VAT1L: variants seen among roughly 807,000 people sequenced by gnomAD.
VAT1L encodes vesicle amine transport 1 like, also known as putative NADPH-dependent quinone oxidoreductase VAT1L.
Under a neutral mutation model 44.1 loss-of-function variants are expected in VAT1L, and 34 were observed. The ratio of observed to expected loss-of-function variants is 0.77; its 90% CI spans 0.59 to 1.03. The LOEUF is 1.03. Among genes scored for constraint, VAT1L ranks in the 50% least tolerant of loss-of-function variants. VAT1L has a pLI of 0.00. For synonymous variants in VAT1L, 253 were observed against 202.2 expected, an observed-to-expected ratio of 1.25 and a Z score of -2.13; for missense variants, 615 against 538.8, an observed-to-expected ratio of 1.14 and a Z score of -1.40.
At chr16:77,975,833 C>G in intron 8 of VAT1L, among the ~76,000 whole-genome samples, 1 of 152,238 alleles carries the variant, frequency 6.6e-6, no homozygotes. Flanking sequence ...TGCCCCAGTC[C>G]TGGCCATCTG....
chr16:77,869,871 C>T (rs2017012574), intron 4 of VAT1L, among the ~76,000 whole-genome samples: 1 of 152,196 alleles, frequency 6.6e-6, no homozygotes, highest in Admixed American at 6.5e-5. Flanking sequence ...CACCCGATAG[C>T]AGTCATAGGT....
At chr16:77,880,679 G>A (rs1433746619) in intron 6 of VAT1L, among the ~76,000 whole-genome samples, 1 of 135,126 alleles carries the variant, frequency 7.4e-6, no homozygotes, top group East Asian at 2.3e-4. Flanking sequence ...ATTGTATGAT[G>A]CTGAAGTTTG....
At chr16:77,806,963 G>C (rs565766147) in intron 1 of VAT1L, among the ~76,000 whole-genome samples, 1 of 152,090 alleles carries the variant, frequency 6.6e-6, no homozygotes, top group Non-Finnish European at 1.5e-5. Flanking sequence ...ATTCCTAAGG[G>C]ATACTTTCTG....
intron 7 of VAT1L, among the ~76,000 whole-genome samples, chr16:77,914,892 A>T (rs1425367980): frequency 1.3e-5 from 2 of 152,194 alleles, no homozygotes; most frequent in African/African-American, 4.8e-5. Context: ...TTGGGAGACT[A>T]AGGCAGGCGG....
chr16:77,932,506 T>C (rs1286076745), intron 7 of VAT1L, among the ~76,000 whole-genome samples: 2 of 152,328 alleles, frequency 1.3e-5, no homozygotes, highest in Non-Finnish European at 2.9e-5. Context: ...TTCCTACTTA[T>C]TTGACTGTGG....
rs1229922063 is a variant in VAT1L at position 77,853,823 on chromosome 16, A to C, written c.580-8925A>C. Among the ~76,000 whole-genome samples the C allele has an allele frequency of 2.6e-5, 4 of 152,140 alleles. No individual in the cohort carries two copies. The East Asian group carries it at 7.7e-4, about 29-fold the overall frequency. On this transcript the variant is annotated intron_variant, in intron 3 of 8. Coordinates refer to ENST00000302536, the MANE Select transcript of VAT1L (RefSeq NM_020927.3). ...ACTGTCCACCAAGTCTTCTCAAAGA[A>C]TATGCCTACTTCTTTTGGGGATTAA... is the stretch of plus-strand genomic sequence containing the variant.
At chr16:77,849,230 C>T (rs960043176) in intron 3 of VAT1L, among the ~76,000 whole-genome samples, 4 of 152,078 alleles carry the variant, frequency 2.6e-5, no homozygotes, top group Non-Finnish European at 5.9e-5. Flanking sequence ...CACTTAGGTA[C>T]GTGGCACATA....
chr16:77,807,332 C>T (rs1290421169), intron 1 of VAT1L, among the ~76,000 whole-genome samples: 1 of 152,180 alleles, frequency 6.6e-6, no homozygotes, highest in Non-Finnish European at 1.5e-5. Flanking sequence ...GAATTGTTCT[C>T]AGCCAAAGAA....
At chr16:77,889,343 T>C (rs1185020067) in intron 7 of VAT1L, among the ~76,000 whole-genome samples, 4 of 152,202 alleles carry the variant, frequency 2.6e-5, no homozygotes, top group African/African-American at 9.6e-5. Context: ...AGCCTCGGGT[T>C]TGCTTCCAGA....
At chr16:77,804,021 C>A (rs1299430071) in intron 1 of VAT1L, among the ~76,000 whole-genome samples, 2 of 152,150 alleles carry the variant, frequency 1.3e-5, no homozygotes, top group Non-Finnish European at 2.9e-5. Context: ...TCTTATGGAA[C>A]TGTCATGCCG....
At chr16:77,792,131 T>C (rs2015846184) in intron 1 of VAT1L, among the ~76,000 whole-genome samples, 1 of 152,214 alleles carries the variant, frequency 6.6e-6, no homozygotes, top group Non-Finnish European at 1.5e-5. Flanking sequence ...AAGGATCAGA[T>C]GCAAGAAAGA....
At chr16:77,975,655 A>T (rs1035846449) in intron 8 of VAT1L, among the ~76,000 whole-genome samples, 1 of 152,252 alleles carries the variant, frequency 6.6e-6, no homozygotes, top group African/African-American at 2.4e-5. Flanking sequence ...TGGCAGCTCC[A>T]GAAGTAAATT....
intron 3 of VAT1L, among the ~76,000 whole-genome samples, chr16:77,852,291 T>C (rs1361104155): frequency 6.6e-6 from 1 of 152,224 alleles, no homozygotes; most frequent in East Asian, 1.9e-4. Context: ...AGGAGAAGCT[T>C]TGGGAAAGCA....
intron 7 of VAT1L, among the ~76,000 whole-genome samples, chr16:77,888,328 A>G (rs2017229415): frequency 1.3e-5 from 2 of 152,192 alleles, no homozygotes; most frequent in African/African-American, 4.8e-5. Context: ...GGGAAGACCT[A>G]GACTATATTA....
At chr16:77,897,135 C>A (rs1426907770) in intron 7 of VAT1L, among the ~76,000 whole-genome samples, 1 of 152,172 alleles carries the variant, frequency 6.6e-6, no homozygotes, top group Non-Finnish European at 1.5e-5. Context: ...GTGCTGCAGA[C>A]CAAGATTCTT....
intron 3 of VAT1L, among the ~76,000 whole-genome samples, chr16:77,844,302 A>G (rs2016736403): frequency 6.6e-6 from 1 of 152,336 alleles, no homozygotes; most frequent in Non-Finnish European, 1.5e-5. Context: ...GCTTGTGTAC[A>G]TAGCATTTAC....
chr16:77,901,949 A>G (rs2017388130), intron 7 of VAT1L, among the ~76,000 whole-genome samples: 1 of 152,222 alleles, frequency 6.6e-6, no homozygotes, highest in Admixed American at 6.5e-5. Flanking sequence ...GGCTGTCTTA[A>G]CAGGCATTTT....
At chr16:77,910,482 CT>C (rs1326644465) in intron 7 of VAT1L, among the ~76,000 whole-genome samples, 1 of 151,960 alleles carries the variant, frequency 6.6e-6, no homozygotes. Context: ...ACCATCCTGG[CT>C]AACACGGTGA....
intron 5 of VAT1L, 47 bp downstream of exon 5, chr16:77,876,520 T>G (rs2017088999): frequency 9.1e-6 from 14 of 1,531,120 alleles, no homozygotes; most frequent in Non-Finnish European, 1.3e-5. Context: ...TAGGTACCTC[T>G]ACATATGTGC....
Sources: allele counts gnomAD v4.1 joint callset (sites outside exome capture counted in the v4.1 genomes callset), GRCh38; gene constraint gnomAD v4.1.1; transcripts MANE v1.5; gene names NCBI Gene and HGNC (gene_info 2026-07-23, HGNC 2026-07-21).